The following PWP1 variants were observed in gnomAD, a reference collection of about 807,000 sequenced individuals.
PWP1 encodes the protein periodic tryptophan protein 1 homolog.
A neutral mutation model predicts 69.9 loss-of-function variants in PWP1; 47 were observed. The observed-to-expected ratio is 0.67, with a 90% CI of 0.53 to 0.86. The LOEUF (loss-of-function observed/expected upper bound fraction) is 0.86. PWP1 is among the 40% of genes least tolerant of loss of function. The pLI, the probability that PWP1 is intolerant of heterozygous loss-of-function variation, is 0.00. For synonymous variants in PWP1, 222 were observed against 208.2 expected, an observed-to-expected ratio of 1.07 and a Z score of -0.57; for missense variants, 551 against 608.8, an observed-to-expected ratio of 0.91 and a Z score of 1.00.
At chr12:107,689,911 A>T (rs945796966) in intron 3 of PWP1, among the ~76,000 whole-genome samples, 3 of 152,274 alleles carry the variant, frequency 2.0e-5, no homozygotes, top group African/African-American at 7.2e-5. Flanking sequence ...ATGGAAAAGG[A>T]GCTGACAAAG....
intron 6 of PWP1, 71 bp downstream of exon 6, chr12:107,696,655 G>A (rs1889596302): frequency 6.3e-7 from 1 of 1,586,732 alleles, no homozygotes; most frequent in South Asian, 1.1e-5. Context: ...CATAAATTAT[G>A]TATTCTCTTG....
chr12:107,711,995 T>A, intron 14 of PWP1, 116 bp from the exon 15 acceptor site: 1 of 725,064 alleles, frequency 1.4e-6, no homozygotes, highest in Non-Finnish European at 2.3e-6. Context: ...CTGAGTTGGT[T>A]ACTCACTTTA....
chr12:107,703,851 T>A, intron 10 of PWP1, 105 bp downstream of exon 10: 1 of 1,036,046 alleles, frequency 9.7e-7, no homozygotes, highest in Non-Finnish European at 1.5e-6. Flanking sequence ...TGAGGCCACC[T>A]TTATGTTTAA....
At chr12:107,710,203 C>A (rs1889919160) in intron 13 of PWP1, among the ~76,000 whole-genome samples, 1 of 152,162 alleles carries the variant, frequency 6.6e-6, no homozygotes, top group African/African-American at 2.4e-5. Context: ...AACCAGCATG[C>A]TGCGCTTGTC....
intron 5 of PWP1, 102 bp downstream of exon 5, chr12:107,693,198 C>T: frequency 6.9e-7 from 1 of 1,447,416 alleles, no homozygotes. Flanking sequence ...TATTGTATCT[C>T]ATTTAAGTTG....
At chr12:107,707,174 A>T (rs1889840529) in intron 11 of PWP1, among the ~76,000 whole-genome samples, 1 of 152,060 alleles carries the variant, frequency 6.6e-6, no homozygotes, top group Non-Finnish European at 1.5e-5. Flanking sequence ...TGTGAATGGG[A>T]GTTCACTCAT....
At chr12:107,686,105 C>A in intron 1 of PWP1, 134 bp downstream of exon 1, 1 of 907,096 alleles carries the variant, frequency 1.1e-6, no homozygotes, top group Non-Finnish European at 1.7e-6. Flanking sequence ...CGGCTTTGCC[C>A]GGATTGTCGC....
chr12:107,692,171 T>A (rs1889493863), intron 3 of PWP1, among the ~76,000 whole-genome samples: 1 of 152,228 alleles, frequency 6.6e-6, no homozygotes, highest in Non-Finnish European at 1.5e-5. Context: ...TTAAGACCTA[T>A]CAGTCCTGCC....
intron 13 of PWP1, among the ~76,000 whole-genome samples, chr12:107,710,181 T>C (rs539005409): frequency 7.9e-5 from 12 of 152,278 alleles, no homozygotes; most frequent in African/African-American, 2.9e-4. Context: ...GTTGCAGATA[T>C]CATTGTGGAA....
intron 11 of PWP1, among the ~76,000 whole-genome samples, chr12:107,707,131 G>A (rs1196719250): frequency 1.3e-5 from 2 of 152,064 alleles, no homozygotes; most frequent in African/African-American, 4.8e-5. Flanking sequence ...TTGTAAGTTG[G>A]ATTCCTAGGT....
At chr12:107,706,262 T>C (rs1889822376) in intron 11 of PWP1, among the ~76,000 whole-genome samples, 1 of 152,202 alleles carries the variant, frequency 6.6e-6, no homozygotes. Context: ...TCTTGTAAAT[T>C]TGTTTGAGTT....
Position 107,689,924 on chromosome 12 carries a change from C to T in PWP1, c.319+1122C>T, listed in dbSNP as rs999841702. 6.6e-5 allele frequency among the ~76,000 whole-genome samples: 10 copies of T among 152,264 alleles called. 1 individual carries two copies. In the South Asian group the frequency reaches 1.2e-3, roughly 19 times the overall value. ...AAATGGAAAAGGAGCTGACAAAGCTCGCTTTGTTTCTTTTGGAATGTGCTA... is the reference window on the plus strand; with the variant it reads ...AAATGGAAAAGGAGCTGACAAAGCTTGCTTTGTTTCTTTTGGAATGTGCTA... On this transcript the variant is annotated intron_variant, in intron 3 of 14. Coordinates refer to ENST00000412830, the MANE Select transcript of PWP1 (RefSeq NM_007062.3).
At chr12:107,699,258 C>G (rs374907666) in intron 7 of PWP1, 115 bp from the exon 8 acceptor site, 7 of 831,040 alleles carry the variant, frequency 8.4e-6, no homozygotes, top group African/African-American at 7.0e-5. Flanking sequence ...GACTCCGTCT[C>G]AAAACAAAAC....
chr12:107,705,033 ATAGT>A (rs1019060594), intron 11 of PWP1, among the ~76,000 whole-genome samples: 4 of 152,070 alleles, frequency 2.6e-5, no homozygotes, highest in Non-Finnish European at 5.9e-5. Context: ...AATACTAAGC[ATAGT>A]TAGTATTTTT....
At chr12:107,690,817 C>T (rs1246461546) in intron 3 of PWP1, among the ~76,000 whole-genome samples, 6 of 152,054 alleles carry the variant, frequency 3.9e-5, no homozygotes, top group Non-Finnish European at 8.8e-5. Flanking sequence ...GATGCCCTCT[C>T]CACTTGTGTT....
chr12:107,701,152 G>A (rs1018511822), intron 8 of PWP1, among the ~76,000 whole-genome samples: 2 of 151,876 alleles, frequency 1.3e-5, no homozygotes, highest in Non-Finnish European at 2.9e-5. Context: ...TTTGAGACAG[G>A]GTCTCACTCT....
At chr12:107,703,773 C>T (rs1296766590) in intron 10 of PWP1, 27 bp downstream of exon 10, 2 of 1,562,650 alleles carry the variant, frequency 1.3e-6, no homozygotes, top group South Asian at 1.1e-5. Context: ...AGAATGATTG[C>T]TACTCTGTTT....
At chr12:107,690,736 G>A (rs1490766791) in intron 3 of PWP1, among the ~76,000 whole-genome samples, 1 of 152,170 alleles carries the variant, frequency 6.6e-6, no homozygotes, top group Non-Finnish European at 1.5e-5. Flanking sequence ...CCAGCAATGG[G>A]GAGAGGGAGA....
Position 107,687,774 on chromosome 12 carries a change from G to A in PWP1, c.73-674G>A, listed in dbSNP as rs571057902. On this transcript the variant is annotated intron_variant, in intron 1 of 14. Transcript: ENST00000412830. The stretch of plus-strand genomic sequence containing the variant: ...AGGCCGGGCACGGTGGCTCACGCCT[G>A]TAATCCCAGCACTTTGGGAGCCCGA... 6.6e-5 allele frequency among the ~76,000 whole-genome samples: 10 copies of A among 152,174 alleles called. No individual in the cohort carries two copies. The South Asian group carries it at 2.1e-3, about 32-fold the overall frequency.
Sources: allele counts gnomAD v4.1 joint callset (sites outside exome capture counted in the v4.1 genomes callset), GRCh38; gene constraint gnomAD v4.1.1; transcripts MANE v1.5; gene names NCBI Gene and HGNC (gene_info 2026-07-23, HGNC 2026-07-21).